Variants in ACACA observed in about 807,000 individuals in gnomAD.
The protein encoded by ACACA is acetyl-CoA carboxylase 1.
ACACA carries 103 observed loss-of-function variants against 296.1 expected under a neutral mutation model. The ratio of observed to expected loss-of-function variants is 0.35; its 90% CI spans 0.30 to 0.41. ACACA has a LOEUF of 0.41. Ranked by LOEUF, ACACA falls within the 10% of genes least tolerant of loss-of-function variation. ACACA has a pLI of 1.00. For missense variants in ACACA, 1,554 were observed against 2,989.7 expected, an observed-to-expected ratio of 0.52 and a Z score of 11.20; for synonymous variants, 953 against 1,038.6, an observed-to-expected ratio of 0.92 and a Z score of 1.58.
rs201930457 is a variant in ACACA, at chr17:37,086,088, ATGAC to A, written c.*1224_*1227del. The A allele has an allele frequency of 2.3e-3, 764 of 333,632 alleles. 6 individuals are homozygous for A. Among genetic ancestry groups the A allele is most frequent in the African/African-American group, 0.015 (701 of 47,424 alleles). The allele number at this position is 333,632 out of a possible 1,614,324, so 20.7% of individuals were successfully genotyped here. On this transcript the variant is annotated 3_prime_UTR_variant, in exon 56 of 56. Transcript: ENST00000616317. ...AGTAAGCCTGGAGGACAGCAGCACC[ATGAC>A]TGAGTTGTAAATAATCTTAAGGTCA...
At chr17:37,323,599 CA>C (rs761749495) in intron 3 of ACACA, among the ~76,000 whole-genome samples, 1 of 151,946 alleles carries the variant, frequency 6.6e-6, no homozygotes, top group South Asian at 2.1e-4. Context: ...AACAAACAAA[CA>C]AAAAACCCAT....
chr17:37,363,422 C>T (rs2147625613), intron 1 of ACACA, among the ~76,000 whole-genome samples: 1 of 151,818 alleles, frequency 6.6e-6, no homozygotes, highest in Non-Finnish European at 1.5e-5. Flanking sequence ...ACCTTGTGAT[C>T]CACCCGCCTT....
rs2078488111 is a variant in ACACA, at chr17:37,206,100, G to A, written c.3949-228C>T. Among the ~76,000 whole-genome samples, 4 of 152,166 alleles carry A rather than the reference G, an allele frequency of 2.6e-5. No individual in the cohort carries two copies. The South Asian group carries it at 8.3e-4, about 31-fold the overall frequency. ...AAAAGATAAGGCAGCAGAGGCATTA[G>A]TAACAGGTGGCCCAATCTTTACTTG... On this transcript the variant is annotated intron_variant, in intron 32 of 55. Coordinates refer to ENST00000616317, the MANE Select transcript of ACACA (RefSeq NM_198834.3).
chr17:37,350,167 TAAA>T (rs1235117097), intron 1 of ACACA, among the ~76,000 whole-genome samples: 1 of 151,528 alleles, frequency 6.6e-6, no homozygotes, highest in African/African-American at 2.4e-5. Context: ...CTATAAAAAA[TAAA>T]AAAATTAAAA....
intron 1 of ACACA, chr17:37,389,489 C>A (rs543001575): frequency 6.1e-6 from 8 of 1,310,260 alleles, no homozygotes; most frequent in African/African-American, 1.5e-5. Context: ...CTGAGGTGAT[C>A]GAGACCAGCC....
chr17:37,300,173 C>CA (rs1384958949), intron 3 of ACACA, among the ~76,000 whole-genome samples: 2 of 152,128 alleles, frequency 1.3e-5, no homozygotes, highest in African/African-American at 4.8e-5. Context: ...GAGACCCTGA[C>CA]AAATATTTTG....
At chr17:37,344,091 G>C (rs903906723) in intron 1 of ACACA, among the ~76,000 whole-genome samples, 10 of 150,878 alleles carry the variant, frequency 6.6e-5, no homozygotes, top group Non-Finnish European at 1.2e-4. Flanking sequence ...AAAATAAAAA[G>C]ATAAAAAATA....
intron 50 of ACACA, among the ~76,000 whole-genome samples, chr17:37,120,345 A>G (rs776006229): frequency 1.3e-5 from 2 of 152,012 alleles, no homozygotes; most frequent in Non-Finnish European, 2.9e-5. Context: ...GGCTCACTGC[A>G]ATCTCTGCCT....
chr17:37,186,413 G>C (rs1209633256), intron 39 of ACACA, among the ~76,000 whole-genome samples: 2 of 152,116 alleles, frequency 1.3e-5, no homozygotes, highest in Admixed American at 6.5e-5. Flanking sequence ...CATAGTGCCT[G>C]ACATACTATA....
intron 24 of ACACA, 96 bp from the exon 25 acceptor site, chr17:37,235,195 A>G (rs934326393): frequency 2.1e-6 from 3 of 1,458,818 alleles, no homozygotes; most frequent in African/African-American, 2.8e-5. Flanking sequence ...TGAGACGAGC[A>G]GTGAGAAGAA....
chr17:37,295,748 C>A (rs2083296051), intron 3 of ACACA, among the ~76,000 whole-genome samples: 1 of 151,950 alleles, frequency 6.6e-6, no homozygotes, highest in Non-Finnish European at 1.5e-5. Context: ...CACAGTGAAA[C>A]CCCATCTCTA....
chr17:37,184,097 C>T (rs1254291154), intron 39 of ACACA, among the ~76,000 whole-genome samples: 1 of 152,068 alleles, frequency 6.6e-6, no homozygotes, highest in African/African-American at 2.4e-5. Context: ...GCTGATTTGC[C>T]CACCTCGGCC....
At chr17:37,319,120 T>C (rs1327870588) in intron 3 of ACACA, among the ~76,000 whole-genome samples, 3 of 152,070 alleles carry the variant, frequency 2.0e-5, no homozygotes, top group African/African-American at 7.2e-5. Context: ...CTTAAACGAG[T>C]CACTAGTCAC....
intron 1 of ACACA, among the ~76,000 whole-genome samples, chr17:37,372,553 A>T (rs58805162): frequency 3.9e-5 from 6 of 152,184 alleles, no homozygotes; most frequent in Non-Finnish European, 7.3e-5. Context: ...GACCTGTTCA[A>T]ATTGATTTAG....
At chr17:37,191,751 A>G (rs922884676) in intron 37 of ACACA, among the ~76,000 whole-genome samples, 4 of 151,898 alleles carry the variant, frequency 2.6e-5, no homozygotes, top group Non-Finnish European at 5.9e-5. Flanking sequence ...CCATCACCCA[A>G]TTCTTCCTGT....
At chr17:37,241,779 TGA>T (rs1353904042) in intron 23 of ACACA, among the ~76,000 whole-genome samples, 172 bp downstream of exon 23, 1 of 152,146 alleles carries the variant, frequency 6.6e-6, no homozygotes, top group Non-Finnish European at 1.5e-5. Context: ...ATATTGAGCA[TGA>T]GAGTTAGCTC....
intron 3 of ACACA, among the ~76,000 whole-genome samples, chr17:37,297,090 C>T (rs780579647): frequency 6.6e-6 from 1 of 151,832 alleles, no homozygotes; most frequent in Non-Finnish European, 1.5e-5. Context: ...TATATATGCA[C>T]GTTTTATTTC....
chr17:37,243,588 C>A (rs1442262432), intron 21 of ACACA, 29 bp from the exon 22 acceptor site: 1 of 1,603,428 alleles, frequency 6.2e-7, no homozygotes, highest in Admixed American at 1.7e-5. Context: ...TAAAATAGGA[C>A]CCAAGTTAAC....
At chr17:37,400,278 C>T (rs1014292249) in intron 1 of ACACA, among the ~76,000 whole-genome samples, 3 of 152,024 alleles carry the variant, frequency 2.0e-5, no homozygotes, top group African/African-American at 7.2e-5. Flanking sequence ...CACCACCACG[C>T]CTGGCTAATT....
Sources: allele counts gnomAD v4.1 joint callset (sites outside exome capture counted in the v4.1 genomes callset), GRCh38; gene constraint gnomAD v4.1.1; transcripts MANE v1.5; gene names NCBI Gene and HGNC (gene_info 2026-07-23, HGNC 2026-07-21).